The following ARHGAP15 variants were observed in gnomAD, a reference collection of about 807,000 sequenced individuals.
ARHGAP15 encodes the protein Rho GTPase activating protein 15.
Under a neutral mutation model 63.7 loss-of-function variants are expected in ARHGAP15, and 51 were observed. That is an observed-to-expected ratio of 0.80 (90% CI 0.64 to 1.01). The LOEUF is 1.01. Ranked by LOEUF, ARHGAP15 falls within the 50% of genes least tolerant of loss-of-function variation. The pLI is 0.00. For missense variants in ARHGAP15, 560 were observed against 564.6 expected (o/e 0.99, Z 0.08); for synonymous variants, 191 against 193.8 (o/e 0.99, Z 0.12).
At chr2:143,579,878 TA>T (rs1263962078) in intron 11 of ARHGAP15, among the ~76,000 whole-genome samples, 1 of 150,650 alleles carries the variant, frequency 6.6e-6, no homozygotes, top group East Asian at 1.9e-4. Context: ...TTTATTTTTT[TA>T]TTTTTATTTT....
At chr2:143,388,999 T>C (rs1204599350) in intron 6 of ARHGAP15, among the ~76,000 whole-genome samples, 1 of 151,842 alleles carries the variant, frequency 6.6e-6, no homozygotes, top group African/African-American at 2.4e-5. Context: ...GTGTAGGTAG[T>C]CCCTAAAAAT....
chr2:143,220,506 C>T (rs1004283483), intron 4 of ARHGAP15, among the ~76,000 whole-genome samples: 26 of 152,160 alleles, frequency 1.7e-4, no homozygotes, highest in African/African-American at 6.0e-4. Context: ...CAATAGCACC[C>T]AGCCTTCTTT....
chr2:143,520,486 G>A (rs1235350955), intron 10 of ARHGAP15, among the ~76,000 whole-genome samples: 1 of 151,984 alleles, frequency 6.6e-6, no homozygotes, highest in African/African-American at 2.4e-5. Context: ...ATGACTTTGG[G>A]GAAAGCATAT....
chr2:143,327,273 C>T (rs1364759197), intron 6 of ARHGAP15, among the ~76,000 whole-genome samples: 4 of 152,210 alleles, frequency 2.6e-5, no homozygotes, highest in Non-Finnish European at 5.9e-5. Flanking sequence ...AAAAACATTC[C>T]ATGCTCATGG....
At chr2:143,582,878 C>T (rs933645983) in intron 11 of ARHGAP15, among the ~76,000 whole-genome samples, 2 of 152,184 alleles carry the variant, frequency 1.3e-5, no homozygotes, top group Non-Finnish European at 2.9e-5. Flanking sequence ...ATTGATAGTT[C>T]CTTTAGCAAA....
At chr2:143,321,239 A>C (rs939861075) in intron 6 of ARHGAP15, among the ~76,000 whole-genome samples, 3 of 152,236 alleles carry the variant, frequency 2.0e-5, no homozygotes, top group Non-Finnish European at 2.9e-5. Flanking sequence ...ATATAAACAC[A>C]TGGTAACTGC....
At chr2:143,137,997 G>A (rs80339305) in intron 1 of ARHGAP15, among the ~76,000 whole-genome samples, 3,829 of 152,146 alleles carry the variant, frequency 0.025, 82 homozygotes, top group East Asian at 0.12. Flanking sequence ...AGGAAAAAAT[G>A]TATGGTGATT....
chr2:143,625,433 C>G (rs1329603385), intron 12 of ARHGAP15, among the ~76,000 whole-genome samples: 6 of 152,036 alleles, frequency 3.9e-5, no homozygotes, highest in African/African-American at 1.5e-4. Flanking sequence ...TCTCTTGTTG[C>G]TTGCTCACAA....
At chr2:143,664,807 GA>G (rs1259928837) in intron 12 of ARHGAP15, among the ~76,000 whole-genome samples, 14 of 152,294 alleles carry the variant, frequency 9.2e-5, no homozygotes, top group Middle Eastern at 3.4e-3. Context: ...AAATAAACCA[GA>G]AAATCTAGAA....
At chr2:143,744,546 A>G (rs1686086715) in intron 13 of ARHGAP15, among the ~76,000 whole-genome samples, 2 of 152,228 alleles carry the variant, frequency 1.3e-5, no homozygotes, top group Non-Finnish European at 2.9e-5. Context: ...GTGTTGTCAT[A>G]TTAGTAATCC....
At chr2:143,662,099 G>A (rs547818819) in intron 12 of ARHGAP15, among the ~76,000 whole-genome samples, 1 of 152,242 alleles carries the variant, frequency 6.6e-6, no homozygotes, top group Non-Finnish European at 1.5e-5. Context: ...GCCTCTGTAG[G>A]CTCCACCTCT....
intron 10 of ARHGAP15, among the ~76,000 whole-genome samples, chr2:143,538,865 G>C (rs1012752299): frequency 6.6e-6 from 1 of 152,158 alleles, no homozygotes; most frequent in African/African-American, 2.4e-5. Context: ...TCTCTGCCAG[G>C]CTTTGGTATC....
chr2:143,550,463 C>A (rs1426665865), intron 10 of ARHGAP15, among the ~76,000 whole-genome samples: 1 of 152,160 alleles, frequency 6.6e-6, no homozygotes, highest in Non-Finnish European at 1.5e-5. Flanking sequence ...TGACCTAGAG[C>A]CGCATTGTCT....
Position 143,291,217 on chromosome 2 carries a change from A to G in ARHGAP15, c.474+40617A>G, listed in dbSNP as rs73962392. ...CAAATAAATTGGTTAACTGAATTCA[A>G]TGCACTTGCAAAATGTACTAAAGAC... is the stretch of plus-strand genomic sequence containing the variant. On this transcript the variant is annotated intron_variant, in intron 6 of 13. Transcript: ENST00000295095. Among the ~76,000 whole-genome samples, 208 of 152,284 alleles carry G rather than the reference A, an allele frequency of 1.4e-3. 2 individuals carry two copies. Among genetic ancestry groups the G allele is most frequent in the African/African-American group, 4.8e-3 (198 of 41,586 alleles).
At chr2:143,725,154 C>A (rs914133224) in intron 13 of ARHGAP15, among the ~76,000 whole-genome samples, 3 of 152,160 alleles carry the variant, frequency 2.0e-5, no homozygotes, top group Non-Finnish European at 4.4e-5. Flanking sequence ...TAATCAGAAC[C>A]TTCTATACTC....
chr2:143,519,962 A>G (rs564042911), intron 10 of ARHGAP15, among the ~76,000 whole-genome samples: 2 of 152,278 alleles, frequency 1.3e-5, no homozygotes, highest in South Asian at 2.1e-4. Context: ...CTGAATCATC[A>G]TTTCTACTCC....
intron 11 of ARHGAP15, among the ~76,000 whole-genome samples, chr2:143,606,453 T>C (rs1698035419): frequency 6.6e-6 from 1 of 152,242 alleles, no homozygotes; most frequent in Non-Finnish European, 1.5e-5. Context: ...AATATATTTA[T>C]TAGCTTGCTA....
At chr2:143,592,556 T>TCGTTGTGCA (rs1424153774) in intron 11 of ARHGAP15, among the ~76,000 whole-genome samples, 3 of 152,212 alleles carry the variant, frequency 2.0e-5, no homozygotes, top group African/African-American at 7.2e-5. Flanking sequence ...CCTGTGTTTC[T>TCGTTGTGCA]CGTTGTGCAG....
At chr2:143,326,650 A>C (rs1439049473) in intron 6 of ARHGAP15, among the ~76,000 whole-genome samples, 2 of 152,134 alleles carry the variant, frequency 1.3e-5, no homozygotes, top group East Asian at 3.8e-4. Flanking sequence ...ACTATTTTCC[A>C]ATATTATTTC....
Sources: allele counts gnomAD v4.1 joint callset (sites outside exome capture counted in the v4.1 genomes callset), GRCh38; gene constraint gnomAD v4.1.1; transcripts MANE v1.5; gene names NCBI Gene and HGNC (gene_info 2026-07-23, HGNC 2026-07-21).